VIPR2: variants seen among roughly 807,000 people sequenced by gnomAD.
VIPR2 encodes vasoactive intestinal polypeptide receptor 2.
VIPR2 carries 48 observed loss-of-function variants against 58.0 expected under a neutral mutation model. The ratio of observed to expected loss-of-function variants is 0.83; its 90% confidence interval spans 0.66 to 1.05. The LOEUF (loss-of-function observed/expected upper bound fraction) is 1.05. VIPR2 is among the 50% of genes least tolerant of loss of function. The probability of loss-of-function intolerance (pLI) is 0.00; values close to 1 mark genes in which losing one functional copy is unlikely to be tolerated. For synonymous variants in VIPR2, 243 were observed against 235.2 expected, an observed-to-expected ratio of 1.03 and a Z score of -0.30; for missense variants, 534 against 558.0, an observed-to-expected ratio of 0.96 and a Z score of 0.43.
chr7:159,096,721 T>G lies in VIPR2; in HGVS notation c.357+7036A>C. On this transcript the variant is annotated intron_variant, in intron 4 of 12. Coordinates refer to ENST00000262178, the MANE Select transcript of VIPR2 (RefSeq NM_003382.5). The surrounding 1 kb of genome is among the most constrained non-coding windows in gnomAD (Gnocchi z 5.5). ...GAAAAGTGCTCATAATCCTGTCTGG[T>G]TGTGCCAGGTGACAGCTGAATGATT... 2 of 1,371,712 alleles carry G rather than the reference T, an allele frequency of 1.5e-6. No individual in the cohort carries two copies. The highest frequency in any genetic ancestry group is 1.9e-6 in the Non-Finnish European group (2 of 1,053,412). The allele number at this position is 1,371,712 out of a possible 1,614,324, so 85.0% of individuals were successfully genotyped here.
intron 2 of VIPR2, among the ~76,000 whole-genome samples, chr7:159,122,891 T>C (rs1796506789): frequency 6.6e-6 from 1 of 152,178 alleles, no homozygotes. Flanking sequence ...ATTTGTTATA[T>C]AGGTAAACTC....
intron 4 of VIPR2, among the ~76,000 whole-genome samples, chr7:159,089,897 G>A (rs777960173): frequency 4.6e-5 from 7 of 152,258 alleles, no homozygotes; most frequent in East Asian, 1.9e-4. Flanking sequence ...GAAGTTACAC[G>A]TGGAGAGAAA....
chr7:159,051,156 G>A (rs117099668), intron 5 of VIPR2, among the ~76,000 whole-genome samples: 2,314 of 152,278 alleles, frequency 0.015, 35 homozygotes, highest in Non-Finnish European at 0.021. Flanking sequence ...ACAAAATGCA[G>A]GAGAATGAAG....
intron 6 of VIPR2, among the ~76,000 whole-genome samples, chr7:159,042,596 T>C (rs1854416128): frequency 6.6e-6 from 1 of 152,196 alleles, no homozygotes; most frequent in Non-Finnish European, 1.5e-5. Flanking sequence ...TACAAGGAAT[T>C]TACCCATGGC....
At chr7:159,058,823 C>T (rs1855473812) in intron 4 of VIPR2, among the ~76,000 whole-genome samples, 1 of 152,238 alleles carries the variant, frequency 6.6e-6, no homozygotes, top group African/African-American at 2.4e-5. Flanking sequence ...CTGTAAAGCA[C>T]CTCTGTCTGG....
At position 159,093,241 on chromosome 7, in the gene VIPR2, T is replaced by C. The variant is rs1183994146; in HGVS notation, c.357+10516A>G. Reference sequence around the variant, plus strand: ...AAAACACTGTAGACTTTGAGAACTTTGTGTGCTCATTTACTTTTCCTTAGG... The same window carrying C: ...AAAACACTGTAGACTTTGAGAACTTCGTGTGCTCATTTACTTTTCCTTAGG... On this transcript the variant is annotated intron_variant, in intron 4 of 12. Coordinates refer to ENST00000262178, the MANE Select transcript of VIPR2 (RefSeq NM_003382.5). This position sits in a 1 kb window ranked among gnomAD's most constrained non-coding sequence, Gnocchi z 6.7. 6.6e-6 allele frequency among the ~76,000 whole-genome samples: 1 copy of C among 152,208 alleles called. No homozygotes were observed. The highest frequency in any genetic ancestry group is 1.5e-5 in the Non-Finnish European group (1 of 68,038).
chr7:159,101,959 G>A (rs1029366360), intron 4 of VIPR2, among the ~76,000 whole-genome samples: 29 of 147,822 alleles, frequency 2.0e-4, no homozygotes, highest in African/African-American at 6.8e-4. Context: ...CACGAGATCC[G>A]ACGAGGTGGT....
At chr7:159,140,925 T>G (rs1025460336) in intron 2 of VIPR2, among the ~76,000 whole-genome samples, 1 of 147,532 alleles carries the variant, frequency 6.8e-6, no homozygotes, top group Non-Finnish European at 1.5e-5. Flanking sequence ...GGCTCCAGGC[T>G]CCCTCAAAAT....
At chr7:159,140,556 A>G (rs1797423154) in intron 2 of VIPR2, among the ~76,000 whole-genome samples, 1 of 152,250 alleles carries the variant, frequency 6.6e-6, no homozygotes, top group Admixed American at 6.5e-5. Flanking sequence ...AAAACAGATC[A>G]GATACAGATA....
At chr7:159,092,962 T>C (rs1857587353) in intron 4 of VIPR2, among the ~76,000 whole-genome samples, 1 of 152,126 alleles carries the variant, frequency 6.6e-6, no homozygotes, top group Non-Finnish European at 1.5e-5. Flanking sequence ...GCTGTGACTG[T>C]TGTTACCCAC....
At position 159,030,426 on chromosome 7, in the gene VIPR2, A is replaced by G. The variant is rs1377604413; in HGVS notation, c.*190T>C. Reference sequence around the variant, plus strand: ...AGATTATCTAAATGCTGGAGTTTAAATCGAGTCAATGACAACACGACTCCA... The same window carrying G: ...AGATTATCTAAATGCTGGAGTTTAAGTCGAGTCAATGACAACACGACTCCA... On this transcript the variant is annotated 3_prime_UTR_variant, in exon 13 of 13. Transcript: ENST00000262178. 2 of 569,644 alleles carry G rather than the reference A, an allele frequency of 3.5e-6. No individual in the cohort carries two copies. Among genetic ancestry groups the G allele is most frequent in the Non-Finnish European group, 5.7e-6 (2 of 350,898 alleles). 35.3% of individuals were successfully genotyped at this position (569,644 alleles called of 1,614,324 possible).
chr7:159,046,430 C>T (rs1406151090), intron 5 of VIPR2, among the ~76,000 whole-genome samples: 1 of 152,152 alleles, frequency 6.6e-6, no homozygotes, highest in African/African-American at 2.4e-5. Context: ...AAACATTATG[C>T]TAAGTAAAGA....
intron 4 of VIPR2, among the ~76,000 whole-genome samples, chr7:159,068,499 C>G (rs1423333014): frequency 6.6e-6 from 1 of 152,246 alleles, no homozygotes; most frequent in Non-Finnish European, 1.5e-5. Flanking sequence ...GGCCAGCCTT[C>G]TGTGTTCCAC....
intron 4 of VIPR2, among the ~76,000 whole-genome samples, chr7:159,094,718 G>A (rs562620979): frequency 2.1e-4 from 32 of 152,334 alleles, no homozygotes; most frequent in African/African-American, 5.8e-4. Flanking sequence ...TAATCAGTGC[G>A]ACTCCATGCC....
At position 159,098,160 on chromosome 7, in the gene VIPR2, A is replaced by T. The variant is rs1857979314; in HGVS notation, c.357+5597T>A. On this transcript the variant is annotated intron_variant, in intron 4 of 12. Transcript: ENST00000262178. This position sits in a 1 kb window ranked among gnomAD's most constrained non-coding sequence, Gnocchi z 5.2. ...CCACGCAGTGGGAACCCCGGCCCCC[A>T]TCCATCAGCACAGAAGAGTTGTGAT... 6.6e-6 allele frequency among the ~76,000 whole-genome samples: 1 copy of T among 152,086 alleles called. No homozygotes were observed. Among genetic ancestry groups the T allele is most frequent in the African/African-American group, 2.4e-5 (1 of 41,438 alleles).
At chr7:159,042,313 C>T (rs58040837) in intron 6 of VIPR2, among the ~76,000 whole-genome samples, 6,043 of 152,124 alleles carry the variant, frequency 0.04, 395 homozygotes, top group African/African-American at 0.14. Flanking sequence ...ACAAAGATGC[C>T]GAGCATGTGG....
chr7:159,122,043 C>T (rs752724816), intron 2 of VIPR2, among the ~76,000 whole-genome samples: 5 of 152,330 alleles, frequency 3.3e-5, no homozygotes, highest in Admixed American at 6.5e-5. Context: ...TGCTAGCAAC[C>T]GCACAGGTGA....
chr7:159,069,962 T>G (rs1450954896), intron 4 of VIPR2, among the ~76,000 whole-genome samples: 1 of 152,210 alleles, frequency 6.6e-6, no homozygotes, highest in African/African-American at 2.4e-5. Flanking sequence ...ACCCGGAATG[T>G]GAGCTGATGT....
intron 4 of VIPR2, among the ~76,000 whole-genome samples, chr7:159,086,742 C>G (rs1490387042): frequency 1.3e-5 from 2 of 152,232 alleles, no homozygotes; most frequent in African/African-American, 4.8e-5. Context: ...CTGCCCAGGA[C>G]CCTTGGCTCA....
Sources: allele counts gnomAD v4.1 joint callset (sites outside exome capture counted in the v4.1 genomes callset), GRCh38; gene constraint gnomAD v4.1.1; non-coding constraint Gnocchi (gnomAD v3.1); transcripts MANE v1.5; gene names NCBI Gene and HGNC (gene_info 2026-07-23, HGNC 2026-07-21).